GALNT13: variants seen among roughly 807,000 people sequenced by gnomAD.
GALNT13 encodes polypeptide N-acetylgalactosaminyltransferase 13, also known as UDP-GalNAc:polypeptide N-acetylgalactosaminyltransferase 13.
A neutral mutation model predicts 64.2 loss-of-function variants in GALNT13; 28 were observed. The observed-to-expected ratio is 0.44, with a 90% CI of 0.32 to 0.60. The LOEUF is 0.60. Ranked by LOEUF, GALNT13 falls within the 20% of genes least tolerant of loss-of-function variation. The pLI, the probability that GALNT13 is intolerant of heterozygous loss-of-function variation, is 0.05. For synonymous variants in GALNT13, 214 were observed against 224.6 expected (o/e 0.95, Z 0.42); for missense variants, 577 against 669.8 (o/e 0.86, Z 1.53).
intron 3 of GALNT13, among the ~76,000 whole-genome samples, chr2:154,028,564 A>G (rs1440274960): frequency 6.6e-6 from 1 of 152,088 alleles, no homozygotes; most frequent in Non-Finnish European, 1.5e-5. Flanking sequence ...CTAATAAATA[A>G]TAGATTAAGT....
chr2:154,271,619 C>T (rs561224206), intron 8 of GALNT13, among the ~76,000 whole-genome samples: 2 of 152,000 alleles, frequency 1.3e-5, no homozygotes, highest in South Asian at 2.1e-4. Context: ...CTCACAAAAT[C>T]TCATCATATG....
intron 3 of GALNT13, among the ~76,000 whole-genome samples, chr2:153,958,957 A>C (rs1213562636): frequency 6.6e-6 from 1 of 152,256 alleles, no homozygotes; most frequent in Non-Finnish European, 1.5e-5. Flanking sequence ...GTGGCTGTCC[A>C]TCAGGCCAGG....
intron 1 of GALNT13, among the ~76,000 whole-genome samples, chr2:153,881,205 C>T (rs1374325285): frequency 6.6e-6 from 1 of 152,076 alleles, no homozygotes. Flanking sequence ...TGAGGGGATG[C>T]CAATTTCACT....
At chr2:153,236,430 C>G in the GALNT13 span, among the ~76,000 whole-genome samples, 1 of 152,088 alleles carries the variant, frequency 6.6e-6, no homozygotes, top group African/African-American at 2.4e-5. Flanking sequence ...GGCTTCAAAG[C>G]TTTAAAGGAC....
In GALNT13 at chr2:154,375,724, CTG is replaced by C. The variant is rs556938630; in HGVS notation, c.1157-20264_1157-20263del. Among the ~76,000 whole-genome samples, 7 of 152,236 alleles carry C rather than the reference CTG, an allele frequency of 4.6e-5. No homozygotes were observed. In the South Asian group the frequency reaches 1.5e-3, roughly 32 times the overall value. On this transcript the variant is annotated intron_variant, in intron 9 of 12. Transcript: ENST00000392825. ...TCAAACCACTTACAAATCACGCAAA[CTG>C]TGGTCTTTCTGATACGCTCTTAGGA... is the stretch of plus-strand genomic sequence containing the variant.
At chr2:154,335,571 C>G (rs142018191) in intron 9 of GALNT13, among the ~76,000 whole-genome samples, 1 of 151,950 alleles carries the variant, frequency 6.6e-6, no homozygotes, top group Non-Finnish European at 1.5e-5. Context: ...ATACAATAGA[C>G]TCCTGGGACC....
At chr2:154,140,849 A>G (rs1241115376) in intron 4 of GALNT13, among the ~76,000 whole-genome samples, 1 of 152,146 alleles carries the variant, frequency 6.6e-6, no homozygotes, top group Non-Finnish European at 1.5e-5. Context: ...ATATTGCTTA[A>G]CACTGCAGAA....
the GALNT13 span, among the ~76,000 whole-genome samples, chr2:153,720,912 C>T: frequency 1.1e-4 from 17 of 151,842 alleles, no homozygotes; most frequent in East Asian, 3.3e-3. Context: ...GGAGAACTTC[C>T]CCAATCTAGC....
intron 3 of GALNT13, among the ~76,000 whole-genome samples, chr2:153,976,991 T>C (rs1197455816): frequency 6.6e-6 from 1 of 152,184 alleles, no homozygotes; most frequent in Admixed American, 6.6e-5. Flanking sequence ...CTAGTCATAA[T>C]TGAACTGATA....
At chr2:153,442,597 A>G in the GALNT13 span, among the ~76,000 whole-genome samples, 5 of 152,088 alleles carry the variant, frequency 3.3e-5, no homozygotes, top group African/African-American at 1.2e-4. Context: ...TGGTTGATAA[A>G]TTACTGCCTT....
At chr2:153,987,705 G>A (rs1222180721) in intron 3 of GALNT13, among the ~76,000 whole-genome samples, 1 of 151,666 alleles carries the variant, frequency 6.6e-6, no homozygotes. Flanking sequence ...GACAAAAAAA[G>A]GAAGATAGTT....
At chr2:153,529,014 C>T in the GALNT13 span, among the ~76,000 whole-genome samples, 2 of 151,358 alleles carry the variant, frequency 1.3e-5, no homozygotes, top group Admixed American at 1.3e-4. Flanking sequence ...TCCTCAACAA[C>T]TAGAAAGCAA....
chr2:153,904,926 T>A (rs1302062137), intron 2 of GALNT13, among the ~76,000 whole-genome samples: 1 of 151,928 alleles, frequency 6.6e-6, no homozygotes, highest in East Asian at 1.9e-4. Flanking sequence ...CCCACTGTTC[T>A]TTAATGTCAT....
At chr2:153,655,424 A>T in the GALNT13 span, among the ~76,000 whole-genome samples, 1 of 152,044 alleles carries the variant, frequency 6.6e-6, no homozygotes, top group East Asian at 1.9e-4. Flanking sequence ...TGATCCTTTG[A>T]TTTAAGAGAT....
At chr2:153,997,393 C>T (rs1051961627) in intron 3 of GALNT13, among the ~76,000 whole-genome samples, 6 of 151,714 alleles carry the variant, frequency 4.0e-5, no homozygotes, top group Admixed American at 3.9e-4. Flanking sequence ...TGATCCTTTA[C>T]CCCCTTGATT....
At chr2:153,373,555 A>G in the GALNT13 span, among the ~76,000 whole-genome samples, 1 of 152,186 alleles carries the variant, frequency 6.6e-6, no homozygotes, top group Non-Finnish European at 1.5e-5. Flanking sequence ...TAGGAAATGC[A>G]TACATTTGCA....
chr2:153,772,823 T>G, the GALNT13 span, among the ~76,000 whole-genome samples: 1 of 152,200 alleles, frequency 6.6e-6, no homozygotes, highest in Non-Finnish European at 1.5e-5. Flanking sequence ...GTCTAGCCTA[T>G]GATTCTAGAT....
At chr2:154,066,855 G>A (rs1234175192) in intron 3 of GALNT13, among the ~76,000 whole-genome samples, 1 of 151,990 alleles carries the variant, frequency 6.6e-6, no homozygotes, top group Non-Finnish European at 1.5e-5. Context: ...CACTTTAATT[G>A]TGGTATATCA....
chr2:154,431,455 A>G (rs1403439375), intron 11 of GALNT13, among the ~76,000 whole-genome samples: 1 of 152,226 alleles, frequency 6.6e-6, no homozygotes, highest in Non-Finnish European at 1.5e-5. Context: ...AAAAATGTGG[A>G]CACCTAGTCT....
Sources: gnomAD v4.1 joint callset for allele counts (sites outside exome capture counted in the v4.1 genomes callset) on GRCh38, gnomAD v4.1.1 for gene constraint, MANE v1.5 for transcripts, NCBI Gene and HGNC (gene_info 2026-07-23, HGNC 2026-07-21) for gene names.